Variants in CHD8 observed in about 807,000 individuals in gnomAD.
CHD8 encodes the protein ATP-dependent chromatin remodeler CHD8.
CHD8 carries 31 observed loss-of-function variants against 279.2 expected under a neutral mutation model. That is an observed-to-expected ratio of 0.11 (90% confidence interval 0.08 to 0.15). The LOEUF is 0.15. Among genes scored for constraint, CHD8 ranks in the 10% least tolerant of loss-of-function variants. The probability of loss-of-function intolerance (pLI) is 1.00; values close to 1 mark genes in which losing one functional copy is unlikely to be tolerated. For missense variants in CHD8, 2,146 were observed against 3,230.5 expected, an observed-to-expected ratio of 0.66 and a Z score of 8.14; for synonymous variants, 1,081 against 1,139.6, an observed-to-expected ratio of 0.95 and a Z score of 1.04.
In CHD8 at chr14:21,441,838, A is replaced by G. The variant is rs541102364; in HGVS notation, c.-215-9980T>C. Among the ~76,000 whole-genome samples the G allele has an allele frequency of 1.9e-3, 287 of 151,270 alleles. 2 individuals are homozygous for G. In the South Asian group the frequency reaches 0.019, roughly 10 times the overall value. The stretch of plus-strand genomic sequence containing the variant: ...CGGGAGGCGGAGCTTGCAGTGAGCC[A>G]AGATTGCGCCACTGCACTCCAGCCT... On this transcript the variant is annotated intron_variant, in intron 1 of 37. Coordinates refer to ENST00000646647, the MANE Select transcript of CHD8 (RefSeq NM_001170629.2).
At chr14:21,406,245 T>C (rs575738889) in intron 14 of CHD8, among the ~76,000 whole-genome samples, 2 of 152,252 alleles carry the variant, frequency 1.3e-5, no homozygotes, top group Non-Finnish European at 2.9e-5. Context: ...ATTAATTTGC[T>C]GCTGTTCCTC....
chr14:21,421,108 T>C (rs1487602464), intron 5 of CHD8, among the ~76,000 whole-genome samples: 4 of 152,016 alleles, frequency 2.6e-5, no homozygotes, highest in African/African-American at 9.7e-5. Context: ...AATGGTCCAG[T>C]TAAAAAATTT....
chr14:21,449,116 G>A (rs1030703969), intron 1 of CHD8, among the ~76,000 whole-genome samples: 18 of 152,018 alleles, frequency 1.2e-4, no homozygotes, highest in Non-Finnish European at 2.6e-4. Flanking sequence ...GGAGCTTGCA[G>A]TGAGCCAAGA....
rs2139474691 is a variant in CHD8, at chr14:21,405,149, C to A, written c.3307+60G>T. The A allele has an allele frequency of 6.4e-7, 1 of 1,553,758 alleles. No individual in the cohort carries two copies. The highest frequency in any genetic ancestry group is 8.8e-7 in the Non-Finnish European group (1 of 1,134,516). ...TGCATCCATTGTCCCCAAGGAGAAT[C>A]ATCCGGAAAGTAAACACAGGTACTA... is the stretch of plus-strand genomic sequence containing the variant. On this transcript the variant is annotated intron_variant, in intron 16 of 37. Transcript: ENST00000646647. The surrounding 1 kb of genome is among the most constrained non-coding windows in gnomAD (Gnocchi z 4.2).
At chr14:21,424,243 G>A (rs942108964) in intron 5 of CHD8, among the ~76,000 whole-genome samples, 2 of 152,090 alleles carry the variant, frequency 1.3e-5, no homozygotes, top group Admixed American at 6.5e-5. Flanking sequence ...TTAGCCAGCT[G>A]TCCCAATTTA....
chr14:21,391,736 T>C (rs1034487072), intron 35 of CHD8, 94 bp from the exon 36 acceptor site: 82 of 1,516,062 alleles, frequency 5.4e-5, no homozygotes, highest in Middle Eastern at 1.8e-4. Context: ...GAAATGACTC[T>C]AGTATTTTCC....
At chr14:21,395,245 T>C (rs747826264) in intron 29 of CHD8, 53 bp downstream of exon 29, 1 of 1,544,596 alleles carries the variant, frequency 6.5e-7, no homozygotes, top group Non-Finnish European at 8.9e-7. Context: ...CAGTGAATAA[T>C]TCCCCAACCC....
chr14:21,401,655 G>A lies in CHD8; in HGVS notation c.4063-142C>T, dbSNP rs138082808. The A allele has an allele frequency of 2.1e-3, 1,274 of 602,158 alleles. 1 individual carries two copies. Among genetic ancestry groups the A allele is most frequent in the Non-Finnish European group, 2.9e-3 (1,025 of 352,996 alleles). 37.3% of individuals were successfully genotyped at this position (602,158 alleles called of 1,614,324 possible). A position where few individuals can be genotyped will look rare whatever the true frequency, so the allele number is the denominator to read the frequency against. On this transcript the variant is annotated intron_variant, in intron 20 of 37. Coordinates refer to ENST00000646647, the MANE Select transcript of CHD8 (RefSeq NM_001170629.2). Reference sequence around the variant, plus strand: ...GCTGGGGTACAGTGGCACGATCTCCGCTCACCGCAACCTCCACCCCCTGGG... The same window carrying A: ...GCTGGGGTACAGTGGCACGATCTCCACTCACCGCAACCTCCACCCCCTGGG...
chr14:21,430,836 T>G lies in CHD8; in HGVS notation c.808A>C (p.Lys270Gln). The G allele has an allele frequency of 6.3e-7, 1 of 1,599,240 alleles. No homozygotes were observed. Among genetic ancestry groups the G allele is most frequent in the Non-Finnish European group, 8.5e-7 (1 of 1,179,654 alleles). Residue 270 changes from lysine (K) to glutamine (Q), a missense_variant, in exon 2 of 38, where the codon AAG becomes CAG. This residue lies in a region of CHD8 where 302 missense variants were observed against 325.5 expected (regional missense o/e 0.93). Coordinates refer to ENST00000646647, the MANE Select transcript of CHD8 (RefSeq NM_001170629.2). ...GNPGATGPPL[K>Q]PAVTLTSTPT... ...GTAGAGGTCAGTGTAACTGCAGGCT[T>G]CAGTGGGGGCCCTGTGGCCCCAGGG...
At chr14:21,407,694 C>T (rs1022350752) in intron 13 of CHD8, among the ~76,000 whole-genome samples, 15 of 151,320 alleles carry the variant, frequency 9.9e-5, no homozygotes, top group African/African-American at 3.7e-4. Flanking sequence ...CTGCAGCCTT[C>T]GCCTCCTGGT....
chr14:21,439,241 C>T (rs1889895920), intron 1 of CHD8, among the ~76,000 whole-genome samples: 1 of 152,198 alleles, frequency 6.6e-6, no homozygotes, highest in Non-Finnish European at 1.5e-5. Flanking sequence ...GGAAAATCAA[C>T]TTGCTTTAGA....
At chr14:21,443,146 C>T (rs1430900464) in intron 1 of CHD8, among the ~76,000 whole-genome samples, 1 of 152,142 alleles carries the variant, frequency 6.6e-6, no homozygotes, top group African/African-American at 2.4e-5. Context: ...AATCCCAGCA[C>T]TTTGGGAGGC....
chr14:21,389,146 A>G (rs1388877355), intron 37 of CHD8, among the ~76,000 whole-genome samples: 1 of 152,012 alleles, frequency 6.6e-6, no homozygotes, highest in Non-Finnish European at 1.5e-5. Flanking sequence ...CTAAAAATAC[A>G]GAAATTAGCT....
At position 21,437,335 on chromosome 14, in the gene CHD8, G is replaced by T. The variant is rs907456652; in HGVS notation, c.-215-5477C>A. On this transcript the variant is annotated intron_variant, in intron 1 of 37. Coordinates refer to ENST00000646647, the MANE Select transcript of CHD8 (RefSeq NM_001170629.2). Reference sequence around the variant, plus strand: ...AAGCGCACTGCCACTCACCAAAGGCGAAAAGACGCAAAACAGCGCAAAGGG... The same window carrying T: ...AAGCGCACTGCCACTCACCAAAGGCTAAAAGACGCAAAACAGCGCAAAGGG... 1.5e-5 allele frequency: 15 copies of T among 1,009,190 alleles called. No individual in the cohort carries two copies. The South Asian group carries it at 1.5e-4, about 10-fold the overall frequency. The allele number at this position is 1,009,190 out of a possible 1,614,324, so 62.5% of individuals were successfully genotyped here.
Position 21,405,323 on chromosome 14 carries a change from A to C in CHD8, c.3193T>G (p.Leu1065Val), listed in dbSNP as rs374551016. 2 of 1,609,678 alleles carry C rather than the reference A, an allele frequency of 1.2e-6. No homozygotes were observed. Among genetic ancestry groups the C allele is most frequent in the Non-Finnish European group, 1.7e-6 (2 of 1,177,710 alleles). Residue 1065 changes from leucine to valine, a missense_variant, in exon 16 of 38, where the codon TTG becomes GTG. Around this residue, in one of 26 missense-constraint regions of CHD8, gnomAD observed 211 missense variants for 464.7 expected, o/e 0.45. Transcript: ENST00000646647. The surrounding 1 kb of genome is among the most constrained non-coding windows in gnomAD (Gnocchi z 4.2). The stretch of plus-strand genomic sequence containing the variant: ...GAAAGGAAGGAGAAATTCTTCTCCA[A>C]AATAGCCCGATAGTATTTCTTCTGG... ...NIQKKYYRAI[L>V]EKNFSFLSKG...
intron 1 of CHD8, among the ~76,000 whole-genome samples, chr14:21,433,022 C>T (rs527957998): frequency 6.6e-6 from 1 of 152,158 alleles, no homozygotes; most frequent in African/African-American, 2.4e-5. Flanking sequence ...CAACTCTGTA[C>T]CATGGCCCAG....
intron 2 of CHD8, chr14:21,430,539 T>C (rs1180982712): frequency 5.1e-6 from 2 of 391,652 alleles, no homozygotes; most frequent in Admixed American, 3.9e-5. Flanking sequence ...CGGTGAGCTC[T>C]GTAAGGACAG....
chr14:21,435,728 T>C (rs184416478), intron 1 of CHD8, among the ~76,000 whole-genome samples: 3 of 152,332 alleles, frequency 2.0e-5, no homozygotes, highest in Admixed American at 6.5e-5. Context: ...TATAATTTTA[T>C]ATTTATCAAG....
chr14:21,437,985 T>C (rs780788774), intron 1 of CHD8, among the ~76,000 whole-genome samples: 2 of 152,148 alleles, frequency 1.3e-5, no homozygotes, highest in Non-Finnish European at 2.9e-5. Flanking sequence ...CGATGTCACT[T>C]GAAATCACTC....
Sources: gnomAD v4.1 joint callset for allele counts (sites outside exome capture counted in the v4.1 genomes callset) on GRCh38, gnomAD v4.1.1 for gene constraint, gnomAD v4.1.1 regional missense constraint, Gnocchi (gnomAD v3.1) non-coding constraint, MANE v1.5 for transcripts, NCBI Gene and HGNC (gene_info 2026-07-23, HGNC 2026-07-21) for gene names.